The following GSDMC variants were observed in gnomAD, a reference collection of about 807,000 sequenced individuals.
GSDMC encodes the protein gasdermin C, also known as gasdermin-C.
Under a neutral mutation model 58.0 loss-of-function variants are expected in GSDMC, and 59 were observed. The observed-to-expected ratio is 1.02, with a 90% CI of 0.82 to 1.26. GSDMC has a LOEUF of 1.26. Among genes scored for constraint, GSDMC ranks in the 50% most tolerant of loss-of-function variants. The probability of loss-of-function intolerance (pLI) is 0.00; values close to 1 mark genes in which losing one functional copy is unlikely to be tolerated. For missense variants in GSDMC, 659 were observed against 598.5 expected, an observed-to-expected ratio of 1.10 and a Z score of -1.06; for synonymous variants, 241 against 220.2, an observed-to-expected ratio of 1.09 and a Z score of -0.83.
chr8:129,744,092 G>A (rs2032917710), downstream of GSDMC, among the ~76,000 whole-genome samples: 1 of 151,452 alleles, frequency 6.6e-6, no homozygotes, highest in South Asian at 2.1e-4. Context: ...TAGTTCCTTT[G>A]GCCTCCTCAA....
At chr8:129,721,475 C>A in the GSDMC span, among the ~76,000 whole-genome samples, 1 of 152,146 alleles carries the variant, frequency 6.6e-6, no homozygotes. Flanking sequence ...TCAAAAGCAT[C>A]CTCAATTTTA....
intron 3 of GSDMC, among the ~76,000 whole-genome samples, chr8:129,768,372 C>T (rs371170655): frequency 6.6e-6 from 1 of 152,154 alleles, no homozygotes; most frequent in Non-Finnish European, 1.5e-5. Flanking sequence ...ACTAATAAAG[C>T]TCCAATGACT....
the GSDMC span, among the ~76,000 whole-genome samples, chr8:129,716,450 T>A: frequency 6.6e-6 from 1 of 152,092 alleles, no homozygotes; most frequent in Non-Finnish European, 1.5e-5. Context: ...ATGCTTGTGA[T>A]TTTTGCACAC....
At chr8:129,709,912 C>G in the GSDMC span, among the ~76,000 whole-genome samples, 221 of 152,292 alleles carry the variant, frequency 1.5e-3, no homozygotes, top group African/African-American at 3.9e-3. Context: ...GAGGTCTCAG[C>G]TTTATTGTGG....
intron 10 of GSDMC, among the ~76,000 whole-genome samples, chr8:129,751,159 T>C (rs537789858): frequency 6.6e-6 from 1 of 152,160 alleles, no homozygotes; most frequent in Admixed American, 6.5e-5. Context: ...TTGGCACATA[T>C]AAGCTACCCT....
the GSDMC span, among the ~76,000 whole-genome samples, chr8:129,736,438 C>T: frequency 6.6e-6 from 1 of 152,328 alleles, no homozygotes; most frequent in Non-Finnish European, 1.5e-5. Flanking sequence ...AAGCTATCCA[C>T]CACGATCAAC....
the GSDMC span, among the ~76,000 whole-genome samples, chr8:129,717,137 G>T: frequency 6.6e-6 from 1 of 151,998 alleles, no homozygotes; most frequent in Non-Finnish European, 1.5e-5. Context: ...CTCATAAAAT[G>T]AGTTAAGGAG....
At chr8:129,785,078 G>A (rs1323875034) in intron 1 of GSDMC, among the ~76,000 whole-genome samples, 1 of 152,108 alleles carries the variant, frequency 6.6e-6, no homozygotes, top group Non-Finnish European at 1.5e-5. Flanking sequence ...AGGCATGGTA[G>A]CGCATGACTG....
chr8:129,736,514 A>C, the GSDMC span, among the ~76,000 whole-genome samples: 2 of 152,244 alleles, frequency 1.3e-5, no homozygotes, highest in East Asian at 1.9e-4. Flanking sequence ...AATCCATCAC[A>C]TAAACGGAAC....
chr8:129,751,755 G>A, intron 9 of GSDMC, 107 bp downstream of exon 9: 1 of 1,241,200 alleles, frequency 8.1e-7, no homozygotes. Flanking sequence ...CCAAACGCCA[G>A]GCCCTAGGGC....
At chr8:129,785,236 C>G (rs920700480) in intron 1 of GSDMC, among the ~76,000 whole-genome samples, 4 of 151,734 alleles carry the variant, frequency 2.6e-5, no homozygotes, top group African/African-American at 9.7e-5. Flanking sequence ...TCCTGTCATT[C>G]GCAACAACAT....
In GSDMC at chr8:129,752,594, C is replaced by T. The variant is rs1305061546; in HGVS notation, c.844+104G>A. On this transcript the variant is annotated intron_variant, in intron 7 of 13. Transcript: ENST00000276708. ...GATGAGCAAGATGGTGCAATAGAAG[C>T]CTACATGGTTCATACACCCCACATA... 3.2e-5 allele frequency: 47 copies of T among 1,487,698 alleles called. 1 individual carries two copies. The South Asian group carries it at 4.1e-4, about 13-fold the overall frequency. 92.2% of individuals were successfully genotyped at this position (1,487,698 alleles called of 1,614,324 possible). A position where few individuals can be genotyped will look rare whatever the true frequency, so the allele number is the denominator to read the frequency against.
chr8:129,759,679 G>A (rs1160269305), intron 6 of GSDMC, among the ~76,000 whole-genome samples: 2 of 152,176 alleles, frequency 1.3e-5, no homozygotes, highest in Non-Finnish European at 2.9e-5. Flanking sequence ...TCTCACCCCT[G>A]TTAAAATGGC....
chr8:129,782,139 G>T (rs1387350470), intron 1 of GSDMC, among the ~76,000 whole-genome samples: 1 of 152,188 alleles, frequency 6.6e-6, no homozygotes, highest in East Asian at 1.9e-4. Context: ...TGAAGAAATT[G>T]ATGAGGAAAT....
intron 5 of GSDMC, 40 bp downstream of exon 5, chr8:129,762,586 C>A (rs1297445538): frequency 1.7e-6 from 2 of 1,191,242 alleles, no homozygotes. Flanking sequence ...CAGACACCCC[C>A]TCCACTGCCA....
At chr8:129,781,492 C>T (rs1189504870) in intron 1 of GSDMC, among the ~76,000 whole-genome samples, 1 of 152,198 alleles carries the variant, frequency 6.6e-6, no homozygotes, top group Non-Finnish European at 1.5e-5. Context: ...CGCCTGTAAT[C>T]CCAGCATTTT....
chr8:129,710,173 C>T, the GSDMC span, among the ~76,000 whole-genome samples: 4 of 152,148 alleles, frequency 2.6e-5, no homozygotes, highest in Non-Finnish European at 2.9e-5. Context: ...ACTAGAATGC[C>T]AGCAGGGTGA....
At chr8:129,706,767 C>CAT in the GSDMC span, among the ~76,000 whole-genome samples, 1 of 152,214 alleles carries the variant, frequency 6.6e-6, no homozygotes, top group Admixed American at 6.5e-5. Context: ...AGAGAGGCTA[C>CAT]ATTGCTCTGC....
At chr8:129,730,442 T>G in the GSDMC span, 6 of 1,088,808 alleles carry the variant, frequency 5.5e-6, no homozygotes, top group Non-Finnish European at 7.6e-6. Flanking sequence ...CCCAAAAAGT[T>G]TAAGTTGATT....
Sources: gnomAD v4.1 joint callset for allele counts (sites outside exome capture counted in the v4.1 genomes callset) on GRCh38, gnomAD v4.1.1 for gene constraint, MANE v1.5 for transcripts, NCBI Gene and HGNC (gene_info 2026-07-23, HGNC 2026-07-21) for gene names.